Variants in ANXA4 observed in about 807,000 individuals in gnomAD.
The protein encoded by ANXA4 is 35-beta calcimedin.
In ANXA4, 39 loss-of-function variants were observed where a neutral mutation model predicts 49.8. The ratio of observed to expected loss-of-function variants is 0.78; its 90% CI spans 0.61 to 1.02. The LOEUF (loss-of-function observed/expected upper bound fraction) is 1.02. Among genes scored for constraint, ANXA4 ranks in the 50% least tolerant of loss-of-function variants. The probability of loss-of-function intolerance (pLI) is 0.00; values close to 1 mark genes in which losing one functional copy is unlikely to be tolerated. For missense variants in ANXA4, 360 were observed against 410.1 expected (o/e 0.88, Z 1.05); for synonymous variants, 134 against 152.5 (o/e 0.88, Z 0.89).
chr2:69,701,063 C>T (rs1371610990), intron 2 of ANXA4, among the ~76,000 whole-genome samples: 5 of 151,910 alleles, frequency 3.3e-5, no homozygotes, highest in South Asian at 4.2e-4. Context: ...TTAGTGGAGA[C>T]GGGGTTTCAC....
Position 69,826,019 on chromosome 2 carries a change from T to G in ANXA4, c.*504T>G, listed in dbSNP as rs1316768200. The G allele has an allele frequency of 6.6e-6, 1 of 152,416 alleles. No homozygotes were observed. Among genetic ancestry groups the G allele is most frequent in the Non-Finnish European group, 1.5e-5 (1 of 68,082 alleles). 9.4% of individuals were successfully genotyped at this position (152,416 alleles called of 1,614,324 possible). ...GCCTTGAAAGCATCTACAAATCTCT[T>G]TTTTTAGGTTTTGTCCATAGCATCA... On this transcript the variant is annotated 3_prime_UTR_variant, in exon 13 of 13. Transcript: ENST00000394295.
intron 2 of ANXA4, among the ~76,000 whole-genome samples, chr2:69,680,047 C>T (rs770820980): frequency 8.5e-4 from 129 of 152,182 alleles, no homozygotes; most frequent in Non-Finnish European, 1.4e-3. Context: ...TAAAAAATGA[C>T]ATTGGTCTTT....
intron 1 of ANXA4, among the ~76,000 whole-genome samples, chr2:69,757,845 G>T (rs1671125624): frequency 6.6e-6 from 1 of 151,438 alleles, no homozygotes; most frequent in African/African-American, 2.4e-5. Flanking sequence ...TATAGTCCCA[G>T]CTACTTGGGA....
At chr2:69,765,075 TACACACACAC>T (rs61370033) in intron 1 of ANXA4, among the ~76,000 whole-genome samples, 14 of 150,078 alleles carry the variant, frequency 9.3e-5, no homozygotes, top group African/African-American at 2.2e-4. Context: ...TATATGTGTA[TACACACACAC>T]ACACACACAC....
intron 2 of ANXA4, among the ~76,000 whole-genome samples, chr2:69,656,551 C>CT (rs34322550): frequency 0.4 from 41,638 of 104,004 alleles, 10,352 homozygotes; most frequent in African/African-American, 0.62. Context: ...ACAGTAGTTC[C>CT]TTTTTTTTTT....
chr2:69,773,180 T>C (rs1671800567), intron 1 of ANXA4, among the ~76,000 whole-genome samples: 3 of 152,202 alleles, frequency 2.0e-5, no homozygotes. Context: ...ATACCTTCTT[T>C]TTCCTTAAGT....
At chr2:69,804,489 C>A in intron 3 of ANXA4, 44 bp from the exon 4 acceptor site, 1 of 1,555,828 alleles carries the variant, frequency 6.4e-7, no homozygotes, top group Non-Finnish European at 8.9e-7. Context: ...TTTCTCATTC[C>A]TCTCTCAAAT....
At position 69,776,068 on chromosome 2, in the gene ANXA4, G is replaced by C. The variant is rs183725067; in HGVS notation, c.-46-5452G>C. Among the ~76,000 whole-genome samples, 654 of 151,968 alleles carry C rather than the reference G, an allele frequency of 4.3e-3. 2 individuals carry two copies. Among genetic ancestry groups the C allele is most frequent in the Admixed American group, 5.9e-3 (90 of 15,250 alleles). On this transcript the variant is annotated intron_variant, in intron 1 of 12. Coordinates refer to ENST00000394295, the MANE Select transcript of ANXA4 (RefSeq NM_001153.5). The stretch of plus-strand genomic sequence containing the variant: ...GGTTCACTGCAGCCTCCACTTCTGG[G>C]GGTTCACATGATTCTCCTGCCTCAG...
chr2:69,706,592 G>A (rs1383837467), intron 2 of ANXA4, among the ~76,000 whole-genome samples: 7 of 152,102 alleles, frequency 4.6e-5, no homozygotes, highest in South Asian at 2.1e-4. Context: ...ATGAGCCACC[G>A]CGCCCAGTCG....
chr2:69,694,363 TTC>T (rs112397873), intron 2 of ANXA4, among the ~76,000 whole-genome samples: 2,667 of 137,138 alleles, frequency 0.019, 87 homozygotes, highest in African/African-American at 0.067. Flanking sequence ...AACAATACAT[TTC>T]TTTTTTTTTT....
intron 2 of ANXA4, among the ~76,000 whole-genome samples, chr2:69,655,409 C>T (rs1676398545): frequency 6.6e-6 from 1 of 151,940 alleles, no homozygotes; most frequent in Admixed American, 6.6e-5. Flanking sequence ...TTTATGTAGC[C>T]AAAAAACATA....
At chr2:69,714,119 T>G (rs1237695423) in intron 2 of ANXA4, among the ~76,000 whole-genome samples, 2 of 152,352 alleles carry the variant, frequency 1.3e-5, no homozygotes, top group African/African-American at 4.8e-5. Context: ...GCCTGGATTT[T>G]GAGCACATTC....
intron 3 of ANXA4, among the ~76,000 whole-genome samples, chr2:69,792,532 GA>G (rs1303251955): frequency 7.9e-5 from 12 of 151,978 alleles, no homozygotes; most frequent in Admixed American, 1.3e-4. Context: ...TTAATTTACA[GA>G]AAAAAACCAT....
intron 1 of ANXA4, among the ~76,000 whole-genome samples, chr2:69,774,703 A>T (rs1390444336): frequency 2.0e-5 from 3 of 152,138 alleles, no homozygotes; most frequent in Non-Finnish European, 2.9e-5. Flanking sequence ...TCAGCAGACA[A>T]ATACCCCGAT....
rs775340946 is a variant in ANXA4 at position 69,825,454 on chromosome 2, A to C, written c.907-2A>C. 36 of 1,605,574 alleles carry C rather than the reference A, an allele frequency of 2.2e-5. No individual in the cohort carries two copies. The highest frequency in any genetic ancestry group is 2.9e-5 in the Non-Finnish European group (34 of 1,176,622). On this transcript the variant is annotated splice_acceptor_variant, in intron 12 of 12. Transcript: ENST00000394295. LOFTEE classifies it high-confidence loss of function. ...ATCTAACTTTGCTTCCCTATCGAAC[A>C]GGGTGACACATCTGGAGACTACAGG...
Position 69,756,978 on chromosome 2 carries a change from C to T in ANXA4, c.-47+14803C>T, listed in dbSNP as rs146955160. ...AGTCTCACTCTGTTCCCCAGGCTGG[C>T]GTGCAGTGGACCATCTCGGCTCACT... On this transcript the variant is annotated intron_variant, in intron 1 of 12. Transcript: ENST00000394295. Among the ~76,000 whole-genome samples the T allele has an allele frequency of 6.4e-3, 944 of 146,542 alleles. 14 individuals are homozygous for T. Among genetic ancestry groups the T allele is most frequent in the African/African-American group, 0.022 (894 of 39,958 alleles).
intron 2 of ANXA4, among the ~76,000 whole-genome samples, chr2:69,696,573 T>C (rs1678166605): frequency 6.6e-6 from 1 of 152,214 alleles, no homozygotes; most frequent in Admixed American, 6.5e-5. Flanking sequence ...GTGAATCCTT[T>C]CCAGAAGGTT....
chr2:69,675,817 A>G lies in ANXA4; in HGVS notation n.766+22535A>G, dbSNP rs142658942. ...GGCGGGCAGATCACGAGGTCAGGAG[A>G]TCAAGACCATCCTGGCTAACACGGT... On this transcript the variant is annotated intron_variant and non_coding_transcript_variant, in intron 2 of 3. Coordinates refer to the ANXA4 transcript ENST00000418066. Among the ~76,000 whole-genome samples, 1,015 of 152,126 alleles carry G rather than the reference A, an allele frequency of 6.7e-3. 13 individuals carry two copies. Among genetic ancestry groups the G allele is most frequent in the African/African-American group, 0.023 (968 of 41,494 alleles).
intron 2 of ANXA4, among the ~76,000 whole-genome samples, chr2:69,667,297 C>G (rs377441087): frequency 6.6e-6 from 1 of 151,812 alleles, no homozygotes. Flanking sequence ...TTGAATTGTA[C>G]ACTTCACACA....
Sources: allele counts gnomAD v4.1 joint callset (sites outside exome capture counted in the v4.1 genomes callset), GRCh38; gene constraint gnomAD v4.1.1; transcripts MANE v1.5; gene names NCBI Gene and HGNC (gene_info 2026-07-23, HGNC 2026-07-21).